Variants in SNTG1 observed in about 807,000 individuals in gnomAD.
The protein encoded by SNTG1 is gamma-1-syntrophin.
Under a neutral mutation model 74.7 loss-of-function variants are expected in SNTG1, and 39 were observed. The observed-to-expected ratio is 0.52, with a 90% CI of 0.40 to 0.68. The LOEUF (loss-of-function observed/expected upper bound fraction) is 0.68, where lower values mean the gene tolerates loss of function less well. SNTG1 is among the 30% of genes least tolerant of loss of function. The pLI is 0.00. For missense variants in SNTG1, 685 were observed against 609.5 expected, an observed-to-expected ratio of 1.12 and a Z score of -1.30; for synonymous variants, 254 against 217.1, an observed-to-expected ratio of 1.17 and a Z score of -1.49.
chr8:50,627,320 A>T (rs74683319), intron 13 of SNTG1, among the ~76,000 whole-genome samples: 7,741 of 152,298 alleles, frequency 0.051, 361 homozygotes, highest in African/African-American at 0.12. Context: ...TAGATAATAA[A>T]AAACCATCAT....
At chr8:50,286,567 C>A (rs1196828019) in intron 2 of SNTG1, 1 of 152,144 alleles carries the variant, frequency 6.6e-6, no homozygotes, top group African/African-American at 2.4e-5. Context: ...TACCACATAC[C>A]TGTGTGGCTT....
intron 12 of SNTG1, among the ~76,000 whole-genome samples, chr8:50,565,970 T>C (rs138727634): frequency 6.6e-6 from 1 of 151,964 alleles, no homozygotes; most frequent in African/African-American, 2.4e-5. Flanking sequence ...GGATATTATT[T>C]TTTTACGGAA....
intron 1 of SNTG1, among the ~76,000 whole-genome samples, chr8:50,084,871 A>G (rs1280507900): frequency 1.3e-5 from 2 of 152,188 alleles, no homozygotes; most frequent in Non-Finnish European, 2.9e-5. Context: ...CTGACATTTT[A>G]TGACACAGCA....
chr8:50,778,651 G>T (rs1381488413), intron 18 of SNTG1, among the ~76,000 whole-genome samples: 3 of 127,816 alleles, frequency 2.3e-5, no homozygotes, highest in African/African-American at 9.8e-5. Flanking sequence ...CATTTTGTAG[G>T]TTGCCTGTTC....
chr8:50,478,832 A>C (rs2093716998), intron 8 of SNTG1, among the ~76,000 whole-genome samples: 1 of 152,172 alleles, frequency 6.6e-6, no homozygotes. Context: ...TTATTGAATA[A>C]TTTTGTTGAA....
In SNTG1 at chr8:50,426,240, C is replaced by T. The variant is rs570909558; in HGVS notation, c.163-12303C>T. Among the ~76,000 whole-genome samples the T allele has an allele frequency of 1.8e-4, 27 of 152,206 alleles. 1 individual carries two copies. In the South Asian group the frequency reaches 5.4e-3, roughly 30 times the overall value. ...TATGTAGTCCTCAGATCTCCTCAGG[C>T]ACCTCTTGTCTGTGACACTGTATAA... On this transcript the variant is annotated intron_variant, in intron 4 of 18. Transcript: ENST00000642720.
intron 1 of SNTG1, among the ~76,000 whole-genome samples, chr8:50,045,139 C>T (rs1374537351): frequency 6.6e-6 from 1 of 152,172 alleles, no homozygotes; most frequent in Non-Finnish European, 1.5e-5. Context: ...CGTGGGTTGA[C>T]ATCCGAGCCC....
chr8:49,973,051 A>G (rs1811848806), intron 1 of SNTG1, among the ~76,000 whole-genome samples: 1 of 152,206 alleles, frequency 6.6e-6, no homozygotes, highest in African/African-American at 2.4e-5. Flanking sequence ...ACTGCTATAA[A>G]GACACAAGCA....
intron 13 of SNTG1, among the ~76,000 whole-genome samples, chr8:50,621,152 T>C (rs1358147109): frequency 6.6e-6 from 1 of 152,256 alleles, no homozygotes; most frequent in South Asian, 2.1e-4. Flanking sequence ...TATATGTTTT[T>C]TACTCTATTT....
At chr8:50,673,529 A>G (rs2095295266) in intron 15 of SNTG1, among the ~76,000 whole-genome samples, 1 of 152,150 alleles carries the variant, frequency 6.6e-6, no homozygotes, top group South Asian at 2.1e-4. Flanking sequence ...TGGATTTTGT[A>G]TGTTGAGACT....
intron 1 of SNTG1, among the ~76,000 whole-genome samples, chr8:50,026,990 T>A (rs1817320967): frequency 6.6e-6 from 1 of 152,154 alleles, no homozygotes; most frequent in Non-Finnish European, 1.5e-5. Flanking sequence ...GCAAAGCCCA[T>A]GTCACTCATT....
intron 17 of SNTG1, among the ~76,000 whole-genome samples, chr8:50,725,783 A>G (rs1056453153): frequency 6.6e-6 from 1 of 152,198 alleles, no homozygotes; most frequent in Non-Finnish European, 1.5e-5. Context: ...TAGTTTTATC[A>G]GCAAGTACCA....
At chr8:50,097,779 T>TCATCATGAAATTCACC (rs1318875982) in intron 1 of SNTG1, among the ~76,000 whole-genome samples, 1 of 152,194 alleles carries the variant, frequency 6.6e-6, no homozygotes, top group Admixed American at 6.5e-5. Context: ...TAAGAGAACT[T>TCATCATGAAATTCACC]CATCATGAAA....
At chr8:50,547,685 A>G (rs2094398022) in intron 11 of SNTG1, among the ~76,000 whole-genome samples, 2 of 152,160 alleles carry the variant, frequency 1.3e-5, no homozygotes, top group Non-Finnish European at 2.9e-5. Context: ...AATAAAAATA[A>G]AAAGAAATAA....
At chr8:50,434,685 A>G (rs1449700715) in intron 4 of SNTG1, among the ~76,000 whole-genome samples, 1 of 152,128 alleles carries the variant, frequency 6.6e-6, no homozygotes, top group Non-Finnish European at 1.5e-5. Flanking sequence ...CATAAATGTC[A>G]TCTTTTGAGA....
chr8:50,362,652 A>T (rs1051856302), intron 2 of SNTG1, among the ~76,000 whole-genome samples: 1 of 152,074 alleles, frequency 6.6e-6, no homozygotes, highest in Non-Finnish European at 1.5e-5. Context: ...AGAATTTAGT[A>T]TTCTCTTTCC....
rs146965433 is a variant in SNTG1 at position 50,282,128 on chromosome 8, C to A, written c.-28+109493C>A. Among the ~76,000 whole-genome samples the A allele has an allele frequency of 2.6e-5, 4 of 152,226 alleles. No individual in the cohort carries two copies. The East Asian group carries it at 7.7e-4, about 29-fold the overall frequency. On this transcript the variant is annotated intron_variant, in intron 2 of 18. Transcript: ENST00000642720. Reference sequence around the variant, plus strand: ...AACAGTCTAACCATAAGATAAACCCCTTCCCCAACCAGAGACATACCAGCT... The same window carrying A: ...AACAGTCTAACCATAAGATAAACCCATTCCCCAACCAGAGACATACCAGCT...
At chr8:50,285,784 A>G (rs2088740665) in intron 2 of SNTG1, among the ~76,000 whole-genome samples, 1 of 148,062 alleles carries the variant, frequency 6.8e-6, no homozygotes, top group South Asian at 2.2e-4. Context: ...TTTAAAATGT[A>G]TTATATCCAA....
At chr8:50,743,222 T>A (rs1321020298) in intron 17 of SNTG1, among the ~76,000 whole-genome samples, 2 of 151,902 alleles carry the variant, frequency 1.3e-5, no homozygotes, top group Non-Finnish European at 2.9e-5. Flanking sequence ...TAGCTCAATA[T>A]TCCTAATGAA....
Sources: gnomAD v4.1 joint callset for allele counts (sites outside exome capture counted in the v4.1 genomes callset) on GRCh38, gnomAD v4.1.1 for gene constraint, MANE v1.5 for transcripts, NCBI Gene and HGNC (gene_info 2026-07-23, HGNC 2026-07-21) for gene names.